The following SRGAP1 variants were observed in gnomAD, a reference collection of about 807,000 sequenced individuals.
SRGAP1 encodes the protein SLIT-ROBO Rho GTPase-activating protein 1.
Under a neutral mutation model 121.9 loss-of-function variants are expected in SRGAP1, and 43 were observed. The ratio of observed to expected loss-of-function variants is 0.35; its 90% CI spans 0.28 to 0.46. The LOEUF (loss-of-function observed/expected upper bound fraction) is 0.46. Ranked by LOEUF, SRGAP1 falls within the 20% of genes least tolerant of loss-of-function variation. The pLI is 1.00. For synonymous variants in SRGAP1, 447 were observed against 485.4 expected (o/e 0.92, Z 1.04); for missense variants, 1,102 against 1,350.9 (o/e 0.82, Z 2.89).
At chr12:64,103,598 A>T (rs1592324995) in intron 15 of SRGAP1, among the ~76,000 whole-genome samples, 1 of 152,320 alleles carries the variant, frequency 6.6e-6, no homozygotes, top group Middle Eastern at 3.4e-3. Flanking sequence ...ATTGACATAC[A>T]TGGTAGTTTT....
chr12:63,952,873 T>C (rs534442967), intron 1 of SRGAP1, among the ~76,000 whole-genome samples: 2 of 152,134 alleles, frequency 1.3e-5, no homozygotes, highest in South Asian at 2.1e-4. Flanking sequence ...TTCGAACTCC[T>C]GGCCTCAAGC....
At chr12:63,906,905 T>G (rs1366044180) in intron 1 of SRGAP1, among the ~76,000 whole-genome samples, 4 of 151,776 alleles carry the variant, frequency 2.6e-5, no homozygotes, top group Admixed American at 2.6e-4. Flanking sequence ...TGACTGAGTC[T>G]CACTCTGATA....
chr12:64,055,984 C>G (rs796980899), intron 6 of SRGAP1, among the ~76,000 whole-genome samples: 1 of 152,158 alleles, frequency 6.6e-6, no homozygotes, highest in Admixed American at 6.5e-5. Flanking sequence ...GTCTAACAGG[C>G]ATCTTGAACA....
In SRGAP1 at chr12:63,857,208, T is replaced by G. The variant is rs1004568913; in HGVS notation, c.67+12325T>G. ...GATTCTCTTGCCTCAGCCTCCCAAG[T>G]AGCTAAGATTACAGGCATGCTCCAC... On this transcript the variant is annotated intron_variant, in intron 1 of 21. Transcript: ENST00000355086. 2.6e-5 allele frequency among the ~76,000 whole-genome samples: 4 copies of G among 151,446 alleles called. No homozygotes were observed. The South Asian group carries it at 6.3e-4, about 24-fold the overall frequency.
chr12:63,876,006 T>C (rs1900018109), intron 1 of SRGAP1, among the ~76,000 whole-genome samples: 1 of 152,218 alleles, frequency 6.6e-6, no homozygotes, highest in African/African-American at 2.4e-5. Flanking sequence ...TTGCTGAATA[T>C]AACTTAAATG....
chr12:63,928,141 A>G (rs145924030), intron 1 of SRGAP1, among the ~76,000 whole-genome samples: 5 of 152,120 alleles, frequency 3.3e-5, no homozygotes, highest in African/African-American at 9.7e-5. Context: ...ATCAAATTCT[A>G]TACTTCACCT....
chr12:64,051,611 T>C (rs1413553110), intron 6 of SRGAP1, among the ~76,000 whole-genome samples: 1 of 152,204 alleles, frequency 6.6e-6, no homozygotes, highest in Non-Finnish European at 1.5e-5. Flanking sequence ...GCTAAAACTT[T>C]TAATAATTCA....
chr12:64,129,954 G>A (rs2036757487), intron 21 of SRGAP1, among the ~76,000 whole-genome samples: 1 of 152,044 alleles, frequency 6.6e-6, no homozygotes, highest in Non-Finnish European at 1.5e-5. Context: ...TTTGCCTTCA[G>A]CAAGCACCTC....
At chr12:64,088,677 G>C (rs1034648479) in intron 11 of SRGAP1, among the ~76,000 whole-genome samples, 1 of 152,162 alleles carries the variant, frequency 6.6e-6, no homozygotes, top group Non-Finnish European at 1.5e-5. Context: ...TAAGCACTGA[G>C]GCAATTCGTT....
At chr12:64,109,678 A>C (rs2036401108) in intron 16 of SRGAP1, among the ~76,000 whole-genome samples, 1 of 152,222 alleles carries the variant, frequency 6.6e-6, no homozygotes, top group South Asian at 2.1e-4. Context: ...CCTATCTAAG[A>C]GTACTCTTGC....
chr12:64,070,504 C>G (rs895904371), intron 8 of SRGAP1, among the ~76,000 whole-genome samples: 1 of 152,172 alleles, frequency 6.6e-6, no homozygotes, highest in African/African-American at 2.4e-5. Flanking sequence ...AACAACTAGT[C>G]TCTCTCAAAT....
At chr12:63,908,734 T>TTTGCTGCATAATACTGTAAATGGGA (rs1172215401) in intron 1 of SRGAP1, among the ~76,000 whole-genome samples, 2 of 152,196 alleles carry the variant, frequency 1.3e-5, no homozygotes, top group African/African-American at 2.4e-5. Flanking sequence ...CTTCGTTCTT[T>TTTGCTGCATAATACTGTAAATGGGA]TTGCTGCATA....
Position 63,844,768 on chromosome 12 carries a change from C to G in SRGAP1, c.-49C>G. 6.3e-7 allele frequency: 1 copy of G among 1,587,664 alleles called. No homozygotes were observed. ...CCTCTCCAAGGAGAACGGGTTGTGA[C>G]CACTGAACAAAACTTGCCCATTGAA... On this transcript the variant is annotated 5_prime_UTR_variant, in exon 1 of 22. Coordinates refer to ENST00000355086, the MANE Select transcript of SRGAP1 (RefSeq NM_020762.4). The surrounding 1 kb of genome is among the most constrained non-coding windows in gnomAD (Gnocchi z 4.3).
At chr12:63,899,870 A>T (rs1352937616) in intron 1 of SRGAP1, among the ~76,000 whole-genome samples, 1 of 152,258 alleles carries the variant, frequency 6.6e-6, no homozygotes, top group East Asian at 1.9e-4. Flanking sequence ...GTGACTCCTT[A>T]TATAATAAAT....
At chr12:64,132,658 C>T (rs553551786) in intron 21 of SRGAP1, among the ~76,000 whole-genome samples, 1 of 152,218 alleles carries the variant, frequency 6.6e-6, no homozygotes, top group Non-Finnish European at 1.5e-5. Flanking sequence ...ATTTATTTCC[C>T]ATCCTCTAGC....
rs1332164419 is a variant in SRGAP1 at position 64,095,000 on chromosome 12, A to G, written c.1600+8A>G. On this transcript the variant is annotated splice_region_variant and intron_variant, in intron 13 of 21. Transcript: ENST00000355086. Reference sequence around the variant, plus strand: ...GGTTCATCAATCTCTATGGTAAGCCATAAACTACAGAATTCTTATTTTTTA... The same window carrying G: ...GGTTCATCAATCTCTATGGTAAGCCGTAAACTACAGAATTCTTATTTTTTA... 6.2e-7 allele frequency: 1 copy of G among 1,613,824 alleles called. No homozygotes were observed. The highest frequency in any genetic ancestry group is 8.5e-7 in the Non-Finnish European group (1 of 1,179,842).
chr12:64,108,887 T>C, intron 15 of SRGAP1, 45 bp from the exon 16 acceptor site: 1 of 1,432,140 alleles, frequency 7.0e-7, no homozygotes, highest in Non-Finnish European at 9.7e-7. Context: ...CTGTTTTAAA[T>C]GTGGCAAGTG....
intron 1 of SRGAP1, among the ~76,000 whole-genome samples, chr12:63,966,429 A>G (rs2032792031): frequency 6.6e-6 from 1 of 152,236 alleles, no homozygotes; most frequent in South Asian, 2.1e-4. Flanking sequence ...TTTCAAAGGA[A>G]AAAGAAAATC....
intron 1 of SRGAP1, among the ~76,000 whole-genome samples, chr12:63,895,029 T>G (rs1900710110): frequency 6.6e-6 from 1 of 152,198 alleles, no homozygotes; most frequent in Non-Finnish European, 1.5e-5. Flanking sequence ...TATTTCTAGT[T>G]CTAGATCCTT....
Sources: gnomAD v4.1 joint callset for allele counts (sites outside exome capture counted in the v4.1 genomes callset) on GRCh38, gnomAD v4.1.1 for gene constraint, Gnocchi (gnomAD v3.1) non-coding constraint, MANE v1.5 for transcripts, NCBI Gene and HGNC (gene_info 2026-07-23, HGNC 2026-07-21) for gene names.